Variants in ADCY4 observed in about 807,000 individuals in gnomAD.
ADCY4 encodes the protein adenylate cyclase type 4.
In ADCY4, 111 loss-of-function variants were observed where a neutral mutation model predicts 125.5. The observed-to-expected ratio is 0.88, with a 90% CI of 0.76 to 1.04. The LOEUF is 1.04. ADCY4 is among the 50% of genes least tolerant of loss of function. The probability of loss-of-function intolerance (pLI) is 0.00; values close to 1 mark genes in which losing one functional copy is unlikely to be tolerated. For synonymous variants in ADCY4, 576 were observed against 586.9 expected, an observed-to-expected ratio of 0.98 and a Z score of 0.27; for missense variants, 1,256 against 1,382.9, an observed-to-expected ratio of 0.91 and a Z score of 1.46.
Position 24,332,648 on chromosome 14 carries a change from A to T in ADCY4, c.393T>A (p.Tyr131Ter). Residue 131 changes from tyrosine to a stop codon, truncating the protein, a stop_gained, in exon 3 of 25, where the codon TAT becomes TAA. Coordinates refer to ENST00000418030, the MANE Select transcript of ADCY4 (RefSeq NM_001198568.2). LOFTEE classifies it high-confidence loss of function. Reference protein sequence around the residue: ...SYFLFVIFTAYAMLPLGMRDA... With the variant: ...SYFLFVIFTA ...CCCGCATGCCCAAGGGCAGCATGGCATACGCCGTGAAGATGACGAAGAGAA... is the reference window on the plus strand; with the variant it reads ...CCCGCATGCCCAAGGGCAGCATGGCTTACGCCGTGAAGATGACGAAGAGAA... 1 of 1,588,040 alleles carries T rather than the reference A, an allele frequency of 6.3e-7. No homozygotes were observed. The highest frequency in any genetic ancestry group is 1.1e-5 in the South Asian group (1 of 87,668).
chr14:24,326,922 G>A lies in ADCY4; in HGVS notation c.1525-580C>T, dbSNP rs371048428. 2.8e-3 allele frequency among the ~76,000 whole-genome samples: 252 copies of A among 91,236 alleles called. 2 individuals carry two copies. The highest frequency in any genetic ancestry group is 0.012 in the African/African-American group (231 of 19,776). The allele number at this position is 91,236 out of a possible 152,430, so 59.9% of individuals were successfully genotyped here. ...TTTTTTTTTTTTTTTTTGCAACGGA[G>A]TTTCGCTCTTGTTGCCCAGGCTGGA... On this transcript the variant is annotated intron_variant, in intron 10 of 24. Transcript: ENST00000418030.
chr14:24,331,063 C>T lies in ADCY4; in HGVS notation c.885G>A (p.Val295=). Residue 295 remains valine (V), a synonymous_variant, in exon 6 of 25, where the codon GTG becomes GTA. Transcript: ENST00000418030. ...LASECSPKEL[V]LMLNELFGKF... is the part of the protein sequence containing the mutation. ...TGCCAAAGAGCTCATTGAGCATGAGCACCAGCTCCTTAGGGGAACACTCGC... is the reference window on the plus strand; with the variant it reads ...TGCCAAAGAGCTCATTGAGCATGAGTACCAGCTCCTTAGGGGAACACTCGC... 1 of 1,613,200 alleles carries T rather than the reference C, an allele frequency of 6.2e-7. No individual in the cohort carries two copies. Among genetic ancestry groups the T allele is most frequent in the Non-Finnish European group, 8.5e-7 (1 of 1,179,302 alleles).
Position 24,319,947 on chromosome 14 carries a change from G to T in ADCY4, c.2587-59C>A. 1 of 1,584,144 alleles carries T rather than the reference G, an allele frequency of 6.3e-7. No homozygotes were observed. On this transcript the variant is annotated intron_variant, in intron 20 of 24. Transcript: ENST00000418030. This position sits in a 1 kb window ranked among gnomAD's most constrained non-coding sequence, Gnocchi z 4.5. ...TGTCATGTTCCTCTCCCTTCTAGAGGTCTGCGTGGGGCCCTCCTCCCCATG... is the reference window on the plus strand; with the variant it reads ...TGTCATGTTCCTCTCCCTTCTAGAGTTCTGCGTGGGGCCCTCCTCCCCATG...
In ADCY4 at chr14:24,334,816, C is replaced by A. The variant is rs1320785262; in HGVS notation, c.-164G>T. On this transcript the variant is annotated 5_prime_UTR_variant, in exon 1 of 25. Transcript: ENST00000418030. ...CGTCTCCTTTTTCAGGCCCTCCCTGCGGCCTCCCAGCCCGCTCCCAGCTGG... is the reference window on the plus strand; with the variant it reads ...CGTCTCCTTTTTCAGGCCCTCCCTGAGGCCTCCCAGCCCGCTCCCAGCTGG... The A allele has an allele frequency of 6.6e-6, 4 of 604,240 alleles. No individual in the cohort carries two copies. The highest frequency in any genetic ancestry group is 3.2e-5 in the Admixed American group (1 of 31,154). 37.4% of individuals were successfully genotyped at this position (604,240 alleles called of 1,614,324 possible).
chr14:24,334,769 G>GC lies in ADCY4; in HGVS notation c.-118dup. 1 of 822,834 alleles carries GC rather than the reference G, an allele frequency of 1.2e-6. No homozygotes were observed. Among genetic ancestry groups the GC allele is most frequent in the Non-Finnish European group, 1.8e-6 (1 of 551,088 alleles). The allele number at this position is 822,834 out of a possible 1,614,324, so 51.0% of individuals were successfully genotyped here. ...CCGCTCAAAGCCGCTACCACCCCGC[G>GC]CCCCCAACCTCGTGGCAATCCCGTC... On this transcript the variant is annotated 5_prime_UTR_variant, in exon 1 of 25. Transcript: ENST00000418030.
intron 8 of ADCY4, 69 bp downstream of exon 8, chr14:24,329,791 G>A: frequency 6.4e-7 from 1 of 1,567,576 alleles, no homozygotes; most frequent in Non-Finnish European, 8.7e-7. Flanking sequence ...AGGAACTAAT[G>A]AAAGGATGGC....
In ADCY4 at chr14:24,332,947, G is replaced by A; in HGVS notation, c.201C>T (p.Cys67=). 2 of 1,588,870 alleles carry A rather than the reference G, an allele frequency of 1.3e-6. No homozygotes were observed. The highest frequency in any genetic ancestry group is 1.7e-6 in the Non-Finnish European group (2 of 1,165,940). The change falls in exon 2 of 25, where the codon TGC becomes TGT. Residue 67 remains cysteine, a synonymous_variant. Transcript: ENST00000418030. The stretch of plus-strand genomic sequence containing the variant: ...GCAGCAGCGAGAAGCCGCCCAGCGC[G>A]CACAGCACAGTGGTCAGGAAGCTCG... ...SDPSFLTTVL[C]ALGGFSLLLG... is the part of the protein sequence containing the mutation.
intron 19 of ADCY4, 105 bp from the exon 20 acceptor site, chr14:24,322,329 C>A (rs369925649): frequency 5.3e-6 from 7 of 1,320,274 alleles, no homozygotes; most frequent in Middle Eastern, 4.3e-4. Context: ...CCCCACCCCA[C>A]CCCCAGTTTA....
chr14:24,328,994 G>C, intron 10 of ADCY4, 67 bp downstream of exon 10: 4 of 1,552,894 alleles, frequency 2.6e-6, no homozygotes, highest in Non-Finnish European at 3.5e-6. Context: ...AAGGCTGCCA[G>C]TGGGGCCTGA....
intron 24 of ADCY4, 36 bp downstream of exon 24, chr14:24,318,618 C>T (rs1010672535): frequency 6.2e-7 from 1 of 1,613,888 alleles, no homozygotes; most frequent in East Asian, 2.2e-5. Flanking sequence ...TATTCTTAGT[C>T]CCCCTCCCCC....
In ADCY4 at chr14:24,329,553, AG is replaced by A. The variant is rs767928638; in HGVS notation, c.1218-21del. 1.3e-6 allele frequency: 2 copies of A among 1,508,872 alleles called. No individual in the cohort carries two copies. Among genetic ancestry groups the A allele is most frequent in the Non-Finnish European group, 1.8e-6 (2 of 1,129,780 alleles). 93.5% of individuals were successfully genotyped at this position (1,508,872 alleles called of 1,614,324 possible). On this transcript the variant is annotated intron_variant, in intron 8 of 24. Coordinates refer to ENST00000418030, the MANE Select transcript of ADCY4 (RefSeq NM_001198568.2). ...ACTCGCCTGGAAGGAGGGAGGCAGT[AG>A]GGGTCAGCAGGGAGGGCCTTCAAAT...
Position 24,329,446 on chromosome 14 carries a change from G to T in ADCY4, c.1305C>A (p.Tyr435Ter), listed in dbSNP as rs200020870. The T allele has an allele frequency of 1.3e-6, 2 of 1,579,654 alleles. No individual in the cohort carries two copies. The highest frequency in any genetic ancestry group is 1.7e-6 in the Non-Finnish European group (2 of 1,165,868). The change falls in exon 9 of 25, where the codon TAC becomes TAA. Residue 435 changes from tyrosine to a stop codon, truncating the protein, a stop_gained. Coordinates refer to ENST00000418030, the MANE Select transcript of ADCY4 (RefSeq NM_001198568.2). LOFTEE classifies it high-confidence loss of function. ...AGGTAGGCTCCCCTAGCTCCCGAAG[G>T]TAGGGGTCCCGATGCTCCATGCCTG... is the stretch of plus-strand genomic sequence containing the variant. The part of the protein sequence containing the change: ...EDAGMEHRDP[Y>*]LRELGEPTYL...
At chr14:24,323,586 G>T in intron 16 of ADCY4, 132 bp from the exon 17 acceptor site, 1 of 1,464,448 alleles carries the variant, frequency 6.8e-7, no homozygotes, top group Non-Finnish European at 9.0e-7. Flanking sequence ...GCTATTTCTG[G>T]TTGGGAAGGG....
In ADCY4 at chr14:24,332,809, C is replaced by T; in HGVS notation, c.339G>A (p.Val113=). 2 of 1,562,800 alleles carry T rather than the reference C, an allele frequency of 1.3e-6. No homozygotes were observed. Among genetic ancestry groups the T allele is most frequent in the Non-Finnish European group, 1.7e-6 (2 of 1,151,088 alleles). ...LGHAFLFTGG[V]VSAWDQVSYF... ...CTCTCACCTGGTCCCAGGCGCTCACCACGCCCCCGGTGAACAGGAAGGCGT... is the reference window on the plus strand; with the variant it reads ...CTCTCACCTGGTCCCAGGCGCTCACTACGCCCCCGGTGAACAGGAAGGCGT... The change falls in exon 2 of 25, where the codon GTG becomes GTA. Residue 113 remains valine, a synonymous_variant. Transcript: ENST00000418030.
At chr14:24,321,032 C>A (rs2041842087) in intron 20 of ADCY4, among the ~76,000 whole-genome samples, 2 of 150,850 alleles carry the variant, frequency 1.3e-5, no homozygotes, top group African/African-American at 4.9e-5. Context: ...TGGGATGAAA[C>A]TGTTCTACTT....
At chr14:24,329,574 T>C in intron 8 of ADCY4, 41 bp from the exon 9 acceptor site, 1 of 1,501,982 alleles carries the variant, frequency 6.7e-7, no homozygotes, top group East Asian at 2.3e-5. Context: ...GGGAGGGCCT[T>C]CAAATCTCCT....
intron 19 of ADCY4, 28 bp from the exon 20 acceptor site, chr14:24,322,252 G>C (rs1187178582): frequency 1.9e-6 from 3 of 1,598,058 alleles, no homozygotes; most frequent in Admixed American, 1.7e-5. Flanking sequence ...GGGCCATGGG[G>C]AGACACAGAG....
chr14:24,329,634 T>G (rs1463746457), intron 8 of ADCY4, 101 bp from the exon 9 acceptor site: 9 of 1,459,508 alleles, frequency 6.2e-6, no homozygotes, highest in Non-Finnish European at 8.2e-6. Flanking sequence ...AAACATCTCA[T>G]GTCTTTTAAA....
At position 24,323,279 on chromosome 14, in the gene ADCY4, G is replaced by A. The variant is rs758738703; in HGVS notation, c.2157+65C>T. ...AGAATGGAGCGTTCCTCCACTCAGG[G>A]GGCTGTGGGCTTGGGCTGAGGAAGG... On this transcript the variant is annotated intron_variant, in intron 17 of 24. Transcript: ENST00000418030. 41 of 1,472,946 alleles carry A rather than the reference G, an allele frequency of 2.8e-5. No homozygotes were observed. The South Asian group carries it at 4.5e-4, about 16-fold the overall frequency. 91.2% of individuals were successfully genotyped at this position (1,472,946 alleles called of 1,614,324 possible).
Sources: allele counts gnomAD v4.1 joint callset (sites outside exome capture counted in the v4.1 genomes callset), GRCh38; gene constraint gnomAD v4.1.1; non-coding constraint Gnocchi (gnomAD v3.1); transcripts MANE v1.5; gene names NCBI Gene and HGNC (gene_info 2026-07-23, HGNC 2026-07-21).